NEB: variants seen among roughly 807,000 people sequenced by gnomAD.
NEB encodes the protein nemaline myopathy type 2.
In NEB, 512 loss-of-function variants were observed where a neutral mutation model predicts 952.2. The observed-to-expected ratio is 0.54, with a 90% CI of 0.50 to 0.58. NEB has a LOEUF of 0.58. Among genes scored for constraint, NEB ranks in the 20% least tolerant of loss-of-function variants. The pLI is 0.00. For synonymous variants in NEB, 2,900 were observed against 3,149.8 expected (o/e 0.92, Z 2.66); for missense variants, 8,428 against 9,231.1 (o/e 0.91, Z 3.56).
intron 29 of NEB, among the ~76,000 whole-genome samples, chr2:151,682,285 T>G (rs1202568595): frequency 1.3e-5 from 2 of 152,236 alleles, no homozygotes; most frequent in Non-Finnish European, 2.9e-5. Flanking sequence ...TGCACAATTA[T>G]ATGAATTTAT....
chr2:151,547,634 C>T lies in NEB; in HGVS notation c.20262G>A (p.Glu6754=). Residue 6754 remains glutamate, a splice_region_variant and synonymous_variant, in exon 132 of 182, where the codon GAG becomes GAA. Coordinates refer to ENST00000397345, the MANE Select transcript of NEB (RefSeq NM_001164508.2). ...CTGTCTTTCCTAAGAAAATACCCACCTCACTGACAGCCTCTTGTGTCTTCT... is the reference window on the plus strand; with the variant it reads ...CTGTCTTTCCTAAGAAAATACCCACTTCACTGACAGCCTCTTGTGTCTTCT... The part of the protein sequence containing the change: ...QVKKTQEAVS[E]LIYKSDFFKM... 6.2e-7 allele frequency: 1 copy of T among 1,613,464 alleles called. No homozygotes were observed. Among genetic ancestry groups the T allele is most frequent in the South Asian group, 1.1e-5 (1 of 91,052 alleles).
Position 151,616,029 on chromosome 2 carries a change from G to C in NEB, c.11262C>G (p.Ala3754=). The C allele has an allele frequency of 1.2e-6, 2 of 1,612,772 alleles. No individual in the cohort carries two copies. The highest frequency in any genetic ancestry group is 1.7e-6 in the Non-Finnish European group (2 of 1,179,466). Residue 3754 remains alanine (A), a synonymous_variant, in exon 76 of 182, where the codon GCC becomes GCG. Coordinates refer to ENST00000397345, the MANE Select transcript of NEB (RefSeq NM_001164508.2). Reference sequence around the variant, plus strand: ...CACTAGCAATATCTCTTGAAGCCTTGGCTGCTTGGATTGGAATGGCATCCA... The same window carrying C: ...CACTAGCAATATCTCTTGAAGCCTTCGCTGCTTGGATTGGAATGGCATCCA... The part of the protein sequence containing the change: ...LRLDAIPIQA[A]KASRDIASDY...
intron 35 of NEB, 56 bp downstream of exon 35, chr2:151,675,231 G>T: frequency 8.2e-7 from 1 of 1,226,360 alleles, no homozygotes; most frequent in Non-Finnish European, 1.2e-6. Flanking sequence ...TACTCTTAAA[G>T]TCTATAATTT....
chr2:151,708,362 C>T (rs1195149883), intron 12 of NEB, among the ~76,000 whole-genome samples: 1 of 152,182 alleles, frequency 6.6e-6, no homozygotes, highest in Non-Finnish European at 1.5e-5. Context: ...TCTAAGCAGA[C>T]TCCACCAAAT....
chr2:151,491,644 G>T, intron 179 of NEB, 39 bp downstream of exon 179: 1 of 1,437,372 alleles, frequency 7.0e-7, no homozygotes, highest in South Asian at 1.2e-5. Context: ...CATACTAAAT[G>T]GTGATGTTTA....
At chr2:151,503,525 A>G (rs1434851918) in intron 165 of NEB, 84 bp from the exon 166 acceptor site, 5 of 801,358 alleles carry the variant, frequency 6.2e-6, no homozygotes, top group Non-Finnish European at 1.1e-5. Context: ...TATTTGGGGG[A>G]AACTCATAAA....
At position 151,618,283 on chromosome 2, in the gene NEB, T is replaced by C. The variant is rs750124596; in HGVS notation, c.11068A>G (p.Met3690Val). The C allele has an allele frequency of 3.7e-6, 6 of 1,613,874 alleles. No homozygotes were observed. The highest frequency in any genetic ancestry group is 1.7e-4 in the Middle Eastern group (1 of 6,058). Residue 3690 changes from methionine (M) to valine (V), a missense_variant, in exon 74 of 182, where the codon ATG (methionine) becomes GTG (valine). Transcript: ENST00000397345. ...QVLAKNNALN[M>V]NKRLYTEAWD... ...GAGGATTGAAGACTCACCTTATTCA[T>C]GTTTAAAGCATTGTTTTTTGCCAGC...
At position 151,605,355 on chromosome 2, in the gene NEB, G is replaced by T. The variant is rs2097657870; in HGVS notation, c.12748-484C>A. ...CCATCACCAAGCTTCCCTGACAAGTGCAACATTAGGTCAAATGATCTCCTA... is the reference window on the plus strand; with the variant it reads ...CCATCACCAAGCTTCCCTGACAAGTTCAACATTAGGTCAAATGATCTCCTA... On this transcript the variant is annotated intron_variant, in intron 84 of 181. Coordinates refer to ENST00000397345, the MANE Select transcript of NEB (RefSeq NM_001164508.2). Among the ~76,000 whole-genome samples the T allele has an allele frequency of 2.6e-5, 3 of 113,802 alleles. 1 individual carries two copies. The highest frequency in any genetic ancestry group is 7.6e-5 in the African/African-American group (3 of 39,344). 74.7% of individuals were successfully genotyped at this position (113,802 alleles called of 152,430 possible). A position where few individuals can be genotyped will look rare whatever the true frequency, so the allele number is the denominator to read the frequency against.
At chr2:151,705,879 C>T (rs2099703850) in intron 13 of NEB, among the ~76,000 whole-genome samples, 1 of 152,116 alleles carries the variant, frequency 6.6e-6, no homozygotes, top group African/African-American at 2.4e-5. Flanking sequence ...TATGAGGACA[C>T]AAAGGCAGAA....
chr2:151,495,590 A>G (rs2059644328), intron 173 of NEB, among the ~76,000 whole-genome samples: 1 of 152,216 alleles, frequency 6.6e-6, no homozygotes, highest in South Asian at 2.1e-4. Context: ...TTACAACCAT[A>G]TATAATGTCA....
chr2:151,506,999 A>C lies in NEB; in HGVS notation c.23466T>G (p.Cys7822Trp). The C allele has an allele frequency of 6.3e-7, 1 of 1,597,132 alleles. No homozygotes were observed. The highest frequency in any genetic ancestry group is 8.6e-7 in the Non-Finnish European group (1 of 1,166,024). ...QKNFSLLQYQ[C>W]DLKNSKGKIT... ...TTTTTCCTTTACTGTTTTTAAGGTC[A>C]CACTGGTATTGGAGCTATGAAGAAA... Residue 7822 changes from cysteine to tryptophan, a missense_variant, in exon 163 of 182, where the codon TGT becomes TGG. Around this residue, in one of 11 missense-constraint regions of NEB, gnomAD observed 3,374 missense variants for 3,651.5 expected, o/e 0.92. Transcript: ENST00000397345.
rs763927695 is a variant in NEB, at chr2:151,498,386, GCAAT to G, written c.24115-38_24115-35del. On this transcript the variant is annotated intron_variant, in intron 169 of 181. Transcript: ENST00000397345. ...TGAGAAAGCATCCAGAACAAAAAAA[GCAAT>G]CAATCAGTCATTTTCCCCCTGCTTT... 1.1e-5 allele frequency: 16 copies of G among 1,449,800 alleles called. No homozygotes were observed. In the African/African-American group the frequency reaches 1.4e-4, roughly 13 times the overall value. The allele number at this position is 1,449,800 out of a possible 1,614,324, so 89.8% of individuals were successfully genotyped here. A position where few individuals can be genotyped will look rare whatever the true frequency, so the allele number is the denominator to read the frequency against.
chr2:151,512,339 C>CT (rs943434444), intron 161 of NEB, among the ~76,000 whole-genome samples: 207 of 148,652 alleles, frequency 1.4e-3, no homozygotes, highest in African/African-American at 2.8e-3. Flanking sequence ...GGGCTTCTCT[C>CT]TTTTTTTTTT....
At chr2:151,563,258 G>C (rs1301207835) in intron 119 of NEB, among the ~76,000 whole-genome samples, 1 of 152,072 alleles carries the variant, frequency 6.6e-6, no homozygotes, top group Non-Finnish European at 1.5e-5. Context: ...CTGGTGATCT[G>C]CCTGCCTTGG....
At chr2:151,532,271 C>A (rs550331661) in intron 143 of NEB, 15 of 168,060 alleles carry the variant, frequency 8.9e-5, no homozygotes, top group Non-Finnish European at 3.8e-5. Context: ...CCAGAGGTTA[C>A]GAGACTGACC....
rs2153972071 is a variant in NEB, at chr2:151,610,028, A to G, written c.12111T>C (p.His4037=). 2 of 1,613,814 alleles carry G rather than the reference A, an allele frequency of 1.2e-6. No homozygotes were observed. The highest frequency in any genetic ancestry group is 2.2e-5 in the East Asian group (1 of 44,832). ...EDDPKIMCAI[H]AGKIQSEREY... ...CCCTTTCACTTTGAATTTTTCCTGC[A>G]TGTATGGCACACATAATCTTGGGAT... is the stretch of plus-strand genomic sequence containing the variant. The change falls in exon 81 of 182, where the codon CAT becomes CAC. Residue 4037 remains histidine (H), a synonymous_variant. Transcript: ENST00000397345.
intron 46 of NEB, among the ~76,000 whole-genome samples, chr2:151,659,732 T>A (rs2099125732): frequency 1.3e-5 from 2 of 152,212 alleles, no homozygotes; most frequent in Non-Finnish European, 2.9e-5. Flanking sequence ...ATTTTCTGTG[T>A]AAATTAAAAC....
chr2:151,633,986 T>C, intron 64 of NEB, 21 bp from the exon 65 acceptor site: 1 of 1,605,522 alleles, frequency 6.2e-7, no homozygotes, highest in Non-Finnish European at 8.5e-7. Flanking sequence ...AATGCACAAA[T>C]CAGGTTTTTA....
intron 168 of NEB, among the ~76,000 whole-genome samples, chr2:151,500,698 G>C (rs1248806262): frequency 6.7e-6 from 1 of 148,418 alleles, no homozygotes; most frequent in Non-Finnish European, 1.5e-5. Context: ...CTAGGGTTCA[G>C]ATGAACCTCC....
Sources: gnomAD v4.1 joint callset for allele counts (sites outside exome capture counted in the v4.1 genomes callset) on GRCh38, gnomAD v4.1.1 for gene constraint, gnomAD v4.1.1 regional missense constraint, MANE v1.5 for transcripts, NCBI Gene and HGNC (gene_info 2026-07-23, HGNC 2026-07-21) for gene names.